The following GFRA1 variants were observed in gnomAD, a reference collection of about 807,000 sequenced individuals.
GFRA1 encodes the protein GDNF family receptor alpha 1, also known as GDNF family receptor alpha-1.
A neutral mutation model predicts 51.6 loss-of-function variants in GFRA1; 16 were observed. That is an observed-to-expected ratio of 0.31 (90% CI 0.21 to 0.47). GFRA1 has a LOEUF of 0.47. Ranked by LOEUF, GFRA1 falls within the 20% of genes least tolerant of loss-of-function variation. The pLI, the probability that GFRA1 is intolerant of heterozygous loss-of-function variation, is 1.00. For synonymous variants in GFRA1, 270 were observed against 241.3 expected (o/e 1.12, Z -1.10); for missense variants, 530 against 594.3 (o/e 0.89, Z 1.13).
At chr10:116,102,733 C>T (rs570767460) in intron 6 of GFRA1, among the ~76,000 whole-genome samples, 1 of 152,228 alleles carries the variant, frequency 6.6e-6, no homozygotes, top group South Asian at 2.1e-4. Flanking sequence ...GAAACTGCCC[C>T]CATGATTCAA....
At chr10:116,238,581 G>T (rs985745792) in intron 4 of GFRA1, among the ~76,000 whole-genome samples, 1 of 152,148 alleles carries the variant, frequency 6.6e-6, no homozygotes, top group East Asian at 1.9e-4. Flanking sequence ...CTGATGTTTT[G>T]CTGTCTTGAT....
chr10:116,273,637 GAC>G (rs201063421), upstream of GFRA1, among the ~76,000 whole-genome samples: 27,188 of 144,940 alleles, frequency 0.19, 3,580 homozygotes, highest in African/African-American at 0.37. Flanking sequence ...GGTGCTGCCA[GAC>G]ACACACACTC....
chr10:116,251,472 G>A (rs1968356593), intron 4 of GFRA1, among the ~76,000 whole-genome samples: 1 of 152,172 alleles, frequency 6.6e-6, no homozygotes, highest in African/African-American at 2.4e-5. Flanking sequence ...CACAAAATGT[G>A]TGAGGTTGCC....
intron 9 of GFRA1, among the ~76,000 whole-genome samples, chr10:116,080,622 T>G (rs1955809013): frequency 6.6e-6 from 1 of 152,242 alleles, no homozygotes; most frequent in African/African-American, 2.4e-5. Flanking sequence ...TTGTCCTTGG[T>G]TCCTGAGAGA....
At position 116,272,024 on chromosome 10, in the gene GFRA1, G is replaced by C. The variant is rs775065355; in HGVS notation, c.6C>G (p.Phe2Leu). 7.1e-6 allele frequency: 11 copies of C among 1,557,340 alleles called. No homozygotes were observed. The African/African-American group carries it at 1.2e-4, about 17-fold the overall frequency. The change falls in exon 2 of 11, where the codon TTC (phenylalanine) becomes TTG (leucine). Residue 2 changes from phenylalanine (F) to leucine (L), a missense_variant. By Grantham distance (22) the Phe-to-Leu change is conservative. Transcript: ENST00000355422. The surrounding 1 kb of genome is among the most constrained non-coding windows in gnomAD (Gnocchi z 4.4). M[F>L]LATLYFALPL... is the part of the protein sequence containing the mutation. ...GCAGCGCGAAGTACAGGGTCGCCAG[G>C]AACATGGTGCCGGCGCGGGGCTGGT... is the stretch of plus-strand genomic sequence containing the variant.
At chr10:116,123,399 A>C (rs1351983913) in intron 6 of GFRA1, among the ~76,000 whole-genome samples, 5 of 152,152 alleles carry the variant, frequency 3.3e-5, no homozygotes, top group African/African-American at 1.2e-4. Context: ...CTTGCTTCCA[A>C]CTTTTTTTAG....
intron 5 of GFRA1, among the ~76,000 whole-genome samples, chr10:116,168,153 T>C (rs1374058238): frequency 1.3e-5 from 2 of 152,042 alleles, no homozygotes; most frequent in East Asian, 3.9e-4. Flanking sequence ...AATTTTTTTT[T>C]TTTTTTTTAG....
chr10:116,068,091 T>G (rs1955197737), intron 9 of GFRA1, among the ~76,000 whole-genome samples: 2 of 152,118 alleles, frequency 1.3e-5, no homozygotes, highest in South Asian at 4.2e-4. Flanking sequence ...AACTGCTGAG[T>G]CCAAGTAAGA....
intron 8 of GFRA1, among the ~76,000 whole-genome samples, chr10:116,091,296 C>T (rs947973832): frequency 6.6e-6 from 1 of 152,180 alleles, no homozygotes; most frequent in African/African-American, 2.4e-5. Flanking sequence ...TAGTGAACAA[C>T]AACATCAACA....
chr10:116,172,880 G>A (rs888762044), intron 5 of GFRA1, among the ~76,000 whole-genome samples: 1 of 152,178 alleles, frequency 6.6e-6, no homozygotes, highest in African/African-American at 2.4e-5. Context: ...GTCATGGGGA[G>A]GTAGGTCTAA....
chr10:116,187,784 G>A (rs909167304), intron 5 of GFRA1, among the ~76,000 whole-genome samples: 3 of 152,122 alleles, frequency 2.0e-5, no homozygotes, highest in Admixed American at 1.3e-4. Flanking sequence ...TCTCAACATT[G>A]GCCATGGAAA....
chr10:116,088,644 G>A (rs1269043131), intron 9 of GFRA1, among the ~76,000 whole-genome samples: 4 of 152,144 alleles, frequency 2.6e-5, no homozygotes, highest in Admixed American at 6.5e-5. Flanking sequence ...GGTACCACTG[G>A]GCGCGGTGGC....
At chr10:116,221,284 C>T (rs1965904458) in intron 4 of GFRA1, among the ~76,000 whole-genome samples, 1 of 152,166 alleles carries the variant, frequency 6.6e-6, no homozygotes, top group Admixed American at 6.5e-5. Context: ...AGCAGTCTGG[C>T]TTCAGAATCC....
intron 5 of GFRA1, among the ~76,000 whole-genome samples, chr10:116,149,609 G>T (rs1425972848): frequency 6.6e-6 from 1 of 152,090 alleles, no homozygotes; most frequent in Admixed American, 6.5e-5. Context: ...CAAGCATTTT[G>T]AATAAGTTCA....
At chr10:116,265,466 C>G (rs1969583859) in intron 4 of GFRA1, among the ~76,000 whole-genome samples, 1 of 152,196 alleles carries the variant, frequency 6.6e-6, no homozygotes, top group Non-Finnish European at 1.5e-5. Context: ...TCCCCATCCT[C>G]AGGCTTTTCT....
chr10:116,091,894 C>A (rs988838939), intron 8 of GFRA1, among the ~76,000 whole-genome samples: 1 of 152,116 alleles, frequency 6.6e-6, no homozygotes, highest in Non-Finnish European at 1.5e-5. Context: ...AAGTCATTAA[C>A]AATGAGACAC....
At chr10:116,140,644 C>A (rs896043703) in intron 5 of GFRA1, among the ~76,000 whole-genome samples, 8 of 151,930 alleles carry the variant, frequency 5.3e-5, no homozygotes, top group African/African-American at 1.9e-4. Context: ...TAATTCATTT[C>A]TGGTATGAGG....
In GFRA1 at chr10:116,245,012, T is replaced by A. The variant is rs140996698; in HGVS notation, c.418+24491A>T. Among the ~76,000 whole-genome samples the A allele has an allele frequency of 6.0e-4, 91 of 152,258 alleles. 1 individual carries two copies. In the East Asian group the frequency reaches 0.016, roughly 27 times the overall value. On this transcript the variant is annotated intron_variant, in intron 4 of 10. Transcript: ENST00000355422. ...GAAACAATAGTTAGACATTCTAGAC[T>A]CTATCAGCAACTACAGATGCCAGCT...
intron 4 of GFRA1, among the ~76,000 whole-genome samples, chr10:116,238,207 G>A (rs1967057415): frequency 6.6e-6 from 1 of 152,210 alleles, no homozygotes. Context: ...CTGCCGGGAA[G>A]GTGCAGCGTT....
Sources: allele counts gnomAD v4.1 joint callset (sites outside exome capture counted in the v4.1 genomes callset), GRCh38; gene constraint gnomAD v4.1.1; non-coding constraint Gnocchi (gnomAD v3.1); transcripts MANE v1.5; gene names NCBI Gene and HGNC (gene_info 2026-07-23, HGNC 2026-07-21).